The following GRIN2A variants were observed in gnomAD, a reference collection of about 807,000 sequenced individuals.
GRIN2A encodes the protein glutamate receptor ionotropic, NMDA 2A.
In GRIN2A, 22 loss-of-function variants were observed where a neutral mutation model predicts 113.4. That is an observed-to-expected ratio of 0.19 (90% confidence interval 0.14 to 0.28). GRIN2A has a LOEUF of 0.28. Ranked by LOEUF, GRIN2A falls within the 10% of genes least tolerant of loss-of-function variation. The probability of loss-of-function intolerance (pLI) is 1.00; values close to 1 mark genes in which losing one functional copy is unlikely to be tolerated. For missense variants in GRIN2A, 1,502 were observed against 1,887.0 expected, an observed-to-expected ratio of 0.80 and a Z score of 3.78; for synonymous variants, 827 against 738.4, an observed-to-expected ratio of 1.12 and a Z score of -1.94.
chr16:9,829,351 G>T, intron 9 of GRIN2A, 72 bp downstream of exon 9: 2 of 950,542 alleles, frequency 2.1e-6, no homozygotes, highest in South Asian at 2.7e-5. Context: ...AGAGGCACCT[G>T]AATCTCTTCC....
chr16:9,763,285 T>A lies in GRIN2A; in HGVS notation c.4259A>T (p.Asn1420Ile), dbSNP rs775911833. 5 of 1,614,000 alleles carry A rather than the reference T, an allele frequency of 3.1e-6. No individual in the cohort carries two copies. Among genetic ancestry groups the A allele is most frequent in the Non-Finnish European group, 4.2e-6 (5 of 1,180,016 alleles). Residue 1420 changes from asparagine (N) to isoleucine (I), a missense_variant, in exon 13 of 13, where the codon AAT becomes ATT. By Grantham distance (149) the Asn-to-Ile change is moderately radical. Coordinates refer to ENST00000330684, the MANE Select transcript of GRIN2A (RefSeq NM_001134407.3). Reference sequence around the variant, plus strand: ...AACATGCTCCGAAATATACACATCATTGTGGCCCCGACTGTCCCTGGAACA... The same window carrying A: ...AACATGCTCCGAAATATACACATCAATGTGGCCCCGACTGTCCCTGGAACA... ...SYCSRDSRGH[N>I]DVYISEHVMP... is the part of the protein sequence containing the mutation.
At chr16:9,796,906 C>G (rs1298363175) in intron 11 of GRIN2A, among the ~76,000 whole-genome samples, 1 of 152,206 alleles carries the variant, frequency 6.6e-6, no homozygotes, top group African/African-American at 2.4e-5. Context: ...AGAACATGGC[C>G]AGTGATCTGA....
At position 9,755,251 on chromosome 16, in the gene GRIN2A, T is replaced by C. The variant is rs530398129; in HGVS notation, c.*7898A>G. 56 of 186,474 alleles carry C rather than the reference T, an allele frequency of 3.0e-4. No individual in the cohort carries two copies. Among genetic ancestry groups the C allele is most frequent in the Non-Finnish European group, 5.7e-4 (50 of 88,162 alleles). The allele number at this position is 186,474 out of a possible 1,614,324, so 11.6% of individuals were successfully genotyped here. A position where few individuals can be genotyped will look rare whatever the true frequency, so the allele number is the denominator to read the frequency against. The stretch of plus-strand genomic sequence containing the variant: ...GACTTCATTTTAAGCAATTTAGTTC[T>C]GGTTCCCTGGAGAGTTGCATGCTTT... On this transcript the variant is annotated 3_prime_UTR_variant, in exon 13 of 13. Coordinates refer to ENST00000330684, the MANE Select transcript of GRIN2A (RefSeq NM_001134407.3).
chr16:9,985,945 A>C (rs751931579), intron 2 of GRIN2A, among the ~76,000 whole-genome samples: 1 of 152,212 alleles, frequency 6.6e-6, no homozygotes, highest in Admixed American at 6.5e-5. Context: ...GAAGTATCTC[A>C]TGTACCCCAG....
chr16:9,766,331 T>C (rs1900920591), intron 12 of GRIN2A, among the ~76,000 whole-genome samples: 2 of 152,204 alleles, frequency 1.3e-5, no homozygotes, highest in African/African-American at 4.8e-5. Flanking sequence ...CTCACGGAAC[T>C]GTGACAGCCT....
At chr16:9,852,990 C>T (rs754690179) in intron 4 of GRIN2A, among the ~76,000 whole-genome samples, 1 of 152,116 alleles carries the variant, frequency 6.6e-6, no homozygotes, top group Non-Finnish European at 1.5e-5. Context: ...CAAATGATTA[C>T]ACAAAAACAT....
At chr16:9,858,395 T>A (rs1239586871) in intron 4 of GRIN2A, among the ~76,000 whole-genome samples, 5 of 152,148 alleles carry the variant, frequency 3.3e-5, no homozygotes, top group Non-Finnish European at 7.3e-5. Flanking sequence ...CTATTATGAA[T>A]TTTTTTGGTA....
intron 3 of GRIN2A, among the ~76,000 whole-genome samples, chr16:9,900,930 G>C (rs1294303777): frequency 2.0e-5 from 3 of 152,162 alleles, no homozygotes; most frequent in Non-Finnish European, 4.4e-5. Context: ...TCAATCACCT[G>C]TGCCTATGCT....
At chr16:9,882,257 G>C (rs2043495687) in intron 4 of GRIN2A, among the ~76,000 whole-genome samples, 1 of 152,170 alleles carries the variant, frequency 6.6e-6, no homozygotes, top group South Asian at 2.1e-4. Context: ...ATCACATCAT[G>C]TAATAATTGC....
intron 10 of GRIN2A, among the ~76,000 whole-genome samples, chr16:9,819,774 G>A (rs1292928087): frequency 6.6e-6 from 1 of 151,940 alleles, no homozygotes; most frequent in African/African-American, 2.4e-5. Flanking sequence ...GATGTGCCTA[G>A]TCAACATGGT....
At chr16:10,065,910 T>C (rs2047640241) in intron 2 of GRIN2A, among the ~76,000 whole-genome samples, 1 of 152,128 alleles carries the variant, frequency 6.6e-6, no homozygotes, top group South Asian at 2.1e-4. Flanking sequence ...AGATACTGGG[T>C]GGAAACATGG....
chr16:9,784,786 G>A (rs1902131802), intron 11 of GRIN2A, among the ~76,000 whole-genome samples: 1 of 152,074 alleles, frequency 6.6e-6, no homozygotes, highest in Non-Finnish European at 1.5e-5. Flanking sequence ...TGAAGCATAT[G>A]AACAGACACT....
At chr16:9,783,111 T>C (rs1461969527) in intron 11 of GRIN2A, among the ~76,000 whole-genome samples, 3 of 152,216 alleles carry the variant, frequency 2.0e-5, no homozygotes, top group Admixed American at 1.3e-4. Context: ...CCCCTTCTGA[T>C]GTCTATATCA....
chr16:10,077,320 G>A (rs1401055763), intron 2 of GRIN2A, among the ~76,000 whole-genome samples: 1 of 152,192 alleles, frequency 6.6e-6, no homozygotes, highest in African/African-American at 2.4e-5. Flanking sequence ...ATGTGTAACA[G>A]GCATCTCAAG....
intron 2 of GRIN2A, among the ~76,000 whole-genome samples, chr16:10,015,644 C>T (rs2046596073): frequency 6.6e-6 from 1 of 152,186 alleles, no homozygotes; most frequent in African/African-American, 2.4e-5. Flanking sequence ...GCAGTGTAAG[C>T]TTTCTTCTAA....
intron 2 of GRIN2A, among the ~76,000 whole-genome samples, chr16:10,100,700 T>G (rs2048377208): frequency 6.6e-6 from 1 of 152,220 alleles, no homozygotes. Flanking sequence ...TTATGTTATT[T>G]GAAGGCATAG....
At chr16:9,898,854 C>A (rs1287746505) in intron 3 of GRIN2A, among the ~76,000 whole-genome samples, 1 of 147,840 alleles carries the variant, frequency 6.8e-6, no homozygotes, top group Non-Finnish European at 1.5e-5. Flanking sequence ...ATCCCTTCAA[C>A]TTTGATGTCT....
intron 2 of GRIN2A, among the ~76,000 whole-genome samples, chr16:10,006,381 T>C (rs746430732): frequency 4.6e-5 from 7 of 152,092 alleles, no homozygotes; most frequent in African/African-American, 9.7e-5. Flanking sequence ...GGCCATGAGA[T>C]AGAGAGTGCT....
At chr16:9,802,269 G>C (rs932322016) in intron 10 of GRIN2A, among the ~76,000 whole-genome samples, 2 of 152,056 alleles carry the variant, frequency 1.3e-5, no homozygotes, top group African/African-American at 4.8e-5. Context: ...CAATAGCAAA[G>C]ACATGGCATC....
Sources: gnomAD v4.1 joint callset for allele counts (sites outside exome capture counted in the v4.1 genomes callset) on GRCh38, gnomAD v4.1.1 for gene constraint, MANE v1.5 for transcripts, NCBI Gene and HGNC (gene_info 2026-07-23, HGNC 2026-07-21) for gene names.